The following EPHX4 variants were observed in gnomAD, a reference collection of about 807,000 sequenced individuals.
The protein encoded by EPHX4 is epoxide hydrolase 4.
EPHX4 carries 31 observed loss-of-function variants against 44.9 expected under a neutral mutation model. The ratio of observed to expected loss-of-function variants is 0.69; its 90% CI spans 0.52 to 0.93. EPHX4 has a LOEUF of 0.93. EPHX4 is among the 40% of genes least tolerant of loss of function. The pLI is 0.00. For missense variants in EPHX4, 373 were observed against 438.1 expected, an observed-to-expected ratio of 0.85 and a Z score of 1.33; for synonymous variants, 151 against 159.7, an observed-to-expected ratio of 0.95 and a Z score of 0.41.
At chr1:92,052,468 A>G in intron 5 of EPHX4, 42 bp from the exon 6 acceptor site, 2 of 1,534,988 alleles carry the variant, frequency 1.3e-6, no homozygotes, top group Non-Finnish European at 8.8e-7. Context: ...TTATTATTAG[A>G]TAACAAAAAA....
intron 2 of EPHX4, among the ~76,000 whole-genome samples, chr1:92,036,597 T>A (rs1688441247): frequency 6.6e-6 from 1 of 152,240 alleles, no homozygotes; most frequent in African/African-American, 2.4e-5. Flanking sequence ...TTAAGAAATA[T>A]GTGAAGATCA....
chr1:92,061,555 G>A (rs1172510222), intron 6 of EPHX4, among the ~76,000 whole-genome samples: 5 of 152,142 alleles, frequency 3.3e-5, no homozygotes, highest in Non-Finnish European at 7.4e-5. Context: ...TAGCTCAAAG[G>A]GATTATCAGA....
chr1:92,033,786 G>T (rs542883183), intron 2 of EPHX4, among the ~76,000 whole-genome samples: 3 of 151,954 alleles, frequency 2.0e-5, no homozygotes, highest in South Asian at 2.1e-4. Context: ...CAAGATCAAG[G>T]CACCAGTAGG....
In EPHX4 at chr1:92,037,006, G is replaced by C. The variant is rs114491515; in HGVS notation, c.317+4416G>C. ...TTAGAATTTAGGACAAAACTCTAGG[G>C]TTTAAGTTTTAAGACAAAACTCTTT... On this transcript the variant is annotated intron_variant, in intron 2 of 6. Transcript: ENST00000370383. 1.5e-3 allele frequency among the ~76,000 whole-genome samples: 232 copies of C among 151,994 alleles called. 2 individuals carry two copies. Among genetic ancestry groups the C allele is most frequent in the African/African-American group, 5.0e-3 (207 of 41,476 alleles).
At chr1:92,031,017 C>A (rs1007591506) in intron 1 of EPHX4, among the ~76,000 whole-genome samples, 1 of 152,096 alleles carries the variant, frequency 6.6e-6, no homozygotes, top group African/African-American at 2.4e-5. Context: ...AAATAGTTCC[C>A]GTGATACACC....
rs1428580127 is a variant in EPHX4, at chr1:92,063,052, T to C, written c.858-3T>C. The C allele has an allele frequency of 2.5e-6, 4 of 1,603,824 alleles. No homozygotes were observed. Among genetic ancestry groups the C allele is most frequent in the Non-Finnish European group, 3.4e-6 (4 of 1,174,374 alleles). On this transcript the variant is annotated splice_polypyrimidine_tract_variant and splice_region_variant and intron_variant, in intron 6 of 6. Coordinates refer to ENST00000370383, the MANE Select transcript of EPHX4 (RefSeq NM_173567.5). ...CTCAAGCCCATGTATTTTGTTTTTA[T>C]AGCTGCCTGCCTCTCAAACATCACA... is the stretch of plus-strand genomic sequence containing the variant.
Position 92,030,098 on chromosome 1 carries a change from T to C in EPHX4, c.19T>C (p.Cys7Arg). MARLRD[C>R]LPRLMLTLRS... is the part of the protein sequence containing the mutation. ...CCTCCCAATGGCGAGGCTGCGGGATTGCCTGCCCCGCCTGATGCTCACGCT... is the reference window on the plus strand; with the variant it reads ...CCTCCCAATGGCGAGGCTGCGGGATCGCCTGCCCCGCCTGATGCTCACGCT... Residue 7 changes from cysteine to arginine, a missense_variant, in exon 1 of 7, where the codon TGC becomes CGC. By Grantham distance (180) the Cys-to-Arg change is radical. Transcript: ENST00000370383. 6.2e-7 allele frequency: 1 copy of C among 1,604,346 alleles called. No individual in the cohort carries two copies. Among genetic ancestry groups the C allele is most frequent in the Non-Finnish European group, 8.5e-7 (1 of 1,176,452 alleles).
intron 6 of EPHX4, among the ~76,000 whole-genome samples, chr1:92,061,040 C>A (rs1230562037): frequency 6.6e-6 from 1 of 151,932 alleles, no homozygotes; most frequent in African/African-American, 2.4e-5. Flanking sequence ...GCCATCACAC[C>A]CGGCTAATTT....
Position 92,042,911 on chromosome 1 carries a change from C to G in EPHX4, c.406C>G (p.Pro136Ala), listed in dbSNP as rs1432206007. The G allele has an allele frequency of 6.2e-7, 1 of 1,612,672 alleles. No homozygotes were observed. The highest frequency in any genetic ancestry group is 2.2e-5 in the East Asian group (1 of 44,862). ...DLRGYGETDA[P>A]IHRQNYKLDC... Reference sequence around the variant, plus strand: ...GAGAGGTTATGGAGAAACAGATGCTCCCATTCATCGACAGAATTATAAATT... The same window carrying G: ...GAGAGGTTATGGAGAAACAGATGCTGCCATTCATCGACAGAATTATAAATT... The change falls in exon 3 of 7, where the codon CCC becomes GCC. Residue 136 changes from proline to alanine, a missense_variant. Coordinates refer to ENST00000370383, the MANE Select transcript of EPHX4 (RefSeq NM_173567.5).
intron 6 of EPHX4, among the ~76,000 whole-genome samples, chr1:92,055,200 A>T (rs901528965): frequency 6.6e-6 from 1 of 152,212 alleles, no homozygotes; most frequent in Admixed American, 6.5e-5. Context: ...ATATGTCAGC[A>T]TGCACAACCA....
intron 1 of EPHX4, among the ~76,000 whole-genome samples, chr1:92,030,534 T>A (rs1038019216): frequency 2.0e-5 from 3 of 148,848 alleles, no homozygotes; most frequent in Non-Finnish European, 4.5e-5. Flanking sequence ...ACTCGGTCTT[T>A]GCAGGCACCT....
intron 3 of EPHX4, among the ~76,000 whole-genome samples, chr1:92,044,334 C>G (rs1047607770): frequency 6.6e-6 from 1 of 152,086 alleles, no homozygotes; most frequent in African/African-American, 2.4e-5. Context: ...TCAGTCAGAC[C>G]TGGCCTAAAT....
rs371017117 is a variant in EPHX4, at chr1:92,030,485, TGAGAGA to T, written c.231+194_231+199del. Among the ~76,000 whole-genome samples the T allele has an allele frequency of 3.8e-4, 53 of 138,684 alleles. 5 individuals carry two copies. The highest frequency in any genetic ancestry group is 6.3e-4 in the Non-Finnish European group (40 of 63,748). The allele number at this position is 138,684 out of a possible 152,430, so 91.0% of individuals were successfully genotyped here. ...GTGTGTGTGTGTGTGTGTGTGTGTG[TGAGAGA>T]GAGAGAGAGAGAGAGAGATACAGAT... is the stretch of plus-strand genomic sequence containing the variant. On this transcript the variant is annotated intron_variant, in intron 1 of 6. Transcript: ENST00000370383.
intron 2 of EPHX4, among the ~76,000 whole-genome samples, chr1:92,042,229 A>C (rs1424370493): frequency 6.6e-6 from 1 of 151,994 alleles, no homozygotes; most frequent in Non-Finnish European, 1.5e-5. Context: ...GACATATATA[A>C]GTACAATGAT....
intron 2 of EPHX4, among the ~76,000 whole-genome samples, chr1:92,033,974 G>C (rs1220715395): frequency 2.8e-5 from 4 of 144,274 alleles, no homozygotes; most frequent in African/African-American, 1.0e-4. Flanking sequence ...AATAAGTACA[G>C]ATGAAAGCAA....
Position 92,063,202 on chromosome 1 carries a change from T to G in EPHX4, c.1005T>G (p.Ser335Arg). Reference protein sequence around the residue: ...YFRLTILSEASHWLQQDQPDI... With the variant: ...YFRLTILSEARHWLQQDQPDI... ...GGCTAACTATTTTGTCAGAAGCCAG[T>G]CATTGGCTTCAGCAAGACCAACCTG... Residue 335 changes from serine (S) to arginine (R), a missense_variant, in exon 7 of 7, where the codon AGT (serine) becomes AGG (arginine). By Grantham distance (110) the Ser-to-Arg change is moderately radical. Coordinates refer to ENST00000370383, the MANE Select transcript of EPHX4 (RefSeq NM_173567.5). 1 of 1,614,068 alleles carries G rather than the reference T, an allele frequency of 6.2e-7. No individual in the cohort carries two copies. Among genetic ancestry groups the G allele is most frequent in the Non-Finnish European group, 8.5e-7 (1 of 1,179,986 alleles).
At chr1:92,037,055 C>T (rs557076518) in intron 2 of EPHX4, among the ~76,000 whole-genome samples, 1 of 151,454 alleles carries the variant, frequency 6.6e-6, no homozygotes, top group East Asian at 1.9e-4. Context: ...TTTTAAAGGC[C>T]AAAAAAACTT....
Position 92,045,563 on chromosome 1 carries a change from C to T in EPHX4, c.507C>T (p.Asp169=). 1 of 1,613,952 alleles carries T rather than the reference C, an allele frequency of 6.2e-7. No homozygotes were observed. Among genetic ancestry groups the T allele is most frequent in the East Asian group, 2.2e-5 (1 of 44,858 alleles). The change falls in exon 4 of 7, where the codon GAC becomes GAT. Residue 169 remains aspartate (D), a synonymous_variant. Coordinates refer to ENST00000370383, the MANE Select transcript of EPHX4 (RefSeq NM_173567.5). ...GCAAATGTGTTCTTATTGGCCATGA[C>T]TGGGGGGGCATGATTGCTTGGCTAA... ...GYSKCVLIGH[D]WGGMIAWLIA... is the part of the protein sequence containing the mutation.
chr1:92,033,073 A>G (rs1570686477), intron 2 of EPHX4, among the ~76,000 whole-genome samples: 1 of 142,120 alleles, frequency 7.0e-6, no homozygotes, highest in African/African-American at 2.6e-5. Flanking sequence ...ATCTACCACC[A>G]CACCTAGCTT....
Sources: gnomAD v4.1 joint callset for allele counts (sites outside exome capture counted in the v4.1 genomes callset) on GRCh38, gnomAD v4.1.1 for gene constraint, MANE v1.5 for transcripts, NCBI Gene and HGNC (gene_info 2026-07-23, HGNC 2026-07-21) for gene names.